Variants in TEAD4 observed in about 807,000 individuals in gnomAD.
TEAD4 encodes the protein transcriptional enhancer factor TEF-3.
A neutral mutation model predicts 52.4 loss-of-function variants in TEAD4; 36 were observed. The ratio of observed to expected loss-of-function variants is 0.69; its 90% CI spans 0.53 to 0.91. The LOEUF is 0.91. TEAD4 is among the 40% of genes least tolerant of loss of function. TEAD4 has a pLI of 0.00. For missense variants in TEAD4, 508 were observed against 583.9 expected, an observed-to-expected ratio of 0.87 and a Z score of 1.34; for synonymous variants, 220 against 231.0, an observed-to-expected ratio of 0.95 and a Z score of 0.43.
chr12:3,010,271 C>T (rs1176878655), intron 3 of TEAD4, among the ~76,000 whole-genome samples: 4 of 152,240 alleles, frequency 2.6e-5, no homozygotes, highest in Admixed American at 2.0e-4. Flanking sequence ...AAATAAGGAA[C>T]CCCTTTCCAT....
At chr12:2,991,196 C>G (rs1300110586) in intron 2 of TEAD4, among the ~76,000 whole-genome samples, 1 of 151,890 alleles carries the variant, frequency 6.6e-6, no homozygotes, top group Non-Finnish European at 1.5e-5. Flanking sequence ...AAGACACTGT[C>G]TCTAAAAAAT....
intron 3 of TEAD4, among the ~76,000 whole-genome samples, chr12:2,998,971 G>A (rs543231163): frequency 5.3e-5 from 8 of 152,136 alleles, no homozygotes; most frequent in Non-Finnish European, 5.9e-5. Flanking sequence ...CGCTCACCCC[G>A]TCTCTTCTTA....
chr12:2,985,360 G>C (rs1591564981), intron 2 of TEAD4, among the ~76,000 whole-genome samples: 1 of 151,620 alleles, frequency 6.6e-6, no homozygotes, highest in African/African-American at 2.4e-5. Flanking sequence ...ACTCCAGCCT[G>C]GGTGACAGAG....
chr12:3,038,030 T>G lies in TEAD4; in HGVS notation c.960T>G (p.Tyr320Ter). Residue 320 changes from tyrosine to a stop codon, truncating the protein, a stop_gained, in exon 11 of 13, where the codon TAT becomes TAG. Transcript: ENST00000359864. LOFTEE classifies it high-confidence loss of function. Reference sequence around the variant, plus strand: ...CCTTCTATGGGGTCTCCAGCCAGTATGAGAGCCCCGAGAACATGATCATCA... The same window carrying G: ...CCTTCTATGGGGTCTCCAGCCAGTAGGAGAGCCCCGAGAACATGATCATCA... 6.2e-7 allele frequency: 1 copy of G among 1,614,164 alleles called. No homozygotes were observed. Among genetic ancestry groups the G allele is most frequent in the Non-Finnish European group, 8.5e-7 (1 of 1,180,012 alleles).
chr12:2,962,544 A>G (rs28583587), intron 2 of TEAD4, among the ~76,000 whole-genome samples: 24,131 of 151,654 alleles, frequency 0.16, 2,150 homozygotes, highest in South Asian at 0.28. Context: ...CATGTTGGTC[A>G]GGCTGGTCTC....
At position 3,019,100 on chromosome 12, in the gene TEAD4, C is replaced by T. The variant is rs199742376; in HGVS notation, c.528-15C>T. On this transcript the variant is annotated splice_polypyrimidine_tract_variant and intron_variant, in intron 7 of 12. Transcript: ENST00000359864. The stretch of plus-strand genomic sequence containing the variant: ...CTGCCCGAGGCTGACACCTCCCCTC[C>T]TCTCTCTCCCGCAGTGTGAAGCCTT... 274 of 1,613,888 alleles carry T rather than the reference C, an allele frequency of 1.7e-4. 1 individual carries two copies. The African/African-American group carries it at 2.9e-3, about 17-fold the overall frequency.
At chr12:2,961,975 C>CT (rs138302960) in intron 2 of TEAD4, among the ~76,000 whole-genome samples, 45 of 152,060 alleles carry the variant, frequency 3.0e-4, no homozygotes, top group African/African-American at 1.0e-3. Context: ...ACAGACAGGG[C>CT]TTTGTCACCA....
In TEAD4 at chr12:2,994,591, C is replaced by T. The variant is rs568635572; in HGVS notation, c.-29-147C>T. ...AGAGGGGATGGGACCTGTTCAAGAC[C>T]CCAGGCCTGATTCTCACAGATCTTT... is the stretch of plus-strand genomic sequence containing the variant. On this transcript the variant is annotated intron_variant, in intron 2 of 12. Transcript: ENST00000359864. This position sits in a 1 kb window ranked among gnomAD's most constrained non-coding sequence, Gnocchi z 4.7. 118 of 1,125,860 alleles carry T rather than the reference C, an allele frequency of 1.0e-4. No individual in the cohort carries two copies. The South Asian group carries it at 1.9e-3, about 18-fold the overall frequency. The allele number at this position is 1,125,860 out of a possible 1,614,324, so 69.7% of individuals were successfully genotyped here.
chr12:3,009,279 A>T (rs920931306), intron 3 of TEAD4, among the ~76,000 whole-genome samples: 3 of 152,012 alleles, frequency 2.0e-5, no homozygotes, highest in Admixed American at 1.3e-4. Context: ...AATACAAAAA[A>T]ATTAGCTGGG....
intron 2 of TEAD4, among the ~76,000 whole-genome samples, chr12:2,963,732 T>C (rs1243132407): frequency 6.6e-6 from 1 of 152,156 alleles, no homozygotes; most frequent in Non-Finnish European, 1.5e-5. Flanking sequence ...CCTTAGCTGG[T>C]GGGGACTGGA....
At chr12:3,038,747 G>A (rs1318812937) in intron 11 of TEAD4, among the ~76,000 whole-genome samples, 1 of 152,216 alleles carries the variant, frequency 6.6e-6, no homozygotes, top group Non-Finnish European at 1.5e-5. Flanking sequence ...TCCGGTGCGT[G>A]TCTGGGGGGT....
intron 10 of TEAD4, among the ~76,000 whole-genome samples, chr12:3,024,155 A>G (rs997586910): frequency 6.6e-6 from 1 of 151,884 alleles, no homozygotes; most frequent in Non-Finnish European, 1.5e-5. Flanking sequence ...GCTCACTGCA[A>G]GCTCCGCCTC....
intron 9 of TEAD4, among the ~76,000 whole-genome samples, 191 bp from the exon 10 acceptor site, chr12:3,021,653 T>G (rs2098268792): frequency 6.6e-6 from 1 of 152,200 alleles, no homozygotes; most frequent in Non-Finnish European, 1.5e-5. Context: ...CAAATAGACC[T>G]TTACTTAGAA....
chr12:3,033,041 C>T (rs1288530598), intron 10 of TEAD4, among the ~76,000 whole-genome samples: 6 of 152,192 alleles, frequency 3.9e-5, no homozygotes, highest in Admixed American at 1.3e-4. Flanking sequence ...GGCAAGGAAA[C>T]GGTGTCGCCT....
intron 6 of TEAD4, 130 bp downstream of exon 6, chr12:3,017,656 G>A (rs1591589780): frequency 7.5e-7 from 1 of 1,324,964 alleles, no homozygotes; most frequent in Non-Finnish European, 1.0e-6. Flanking sequence ...GGGCAGTCAG[G>A]GAAGGAGGGA....
At chr12:3,028,086 G>T (rs1215279673) in intron 10 of TEAD4, among the ~76,000 whole-genome samples, 1 of 152,180 alleles carries the variant, frequency 6.6e-6, no homozygotes, top group African/African-American at 2.4e-5. Context: ...GTTTGTGGAG[G>T]ATGTGGTCTT....
intron 10 of TEAD4, among the ~76,000 whole-genome samples, chr12:3,026,936 C>T (rs185672089): frequency 9.2e-5 from 14 of 152,140 alleles, no homozygotes; most frequent in Non-Finnish European, 1.8e-4. Flanking sequence ...TTTTTCTCCT[C>T]TTTTTCTTAA....
chr12:3,006,949 C>T (rs1258607764), intron 3 of TEAD4, among the ~76,000 whole-genome samples: 2 of 152,238 alleles, frequency 1.3e-5, no homozygotes, highest in Middle Eastern at 3.4e-3. Flanking sequence ...TCACTGGAAC[C>T]CAGGAGGTGG....
chr12:2,966,570 C>T (rs2098220461), intron 2 of TEAD4, among the ~76,000 whole-genome samples: 1 of 151,270 alleles, frequency 6.6e-6, no homozygotes, highest in Non-Finnish European at 1.5e-5. Context: ...GCCACCATGC[C>T]CAGCTAATTT....
Sources: gnomAD v4.1 joint callset for allele counts (sites outside exome capture counted in the v4.1 genomes callset) on GRCh38, gnomAD v4.1.1 for gene constraint, Gnocchi (gnomAD v3.1) non-coding constraint, MANE v1.5 for transcripts, NCBI Gene and HGNC (gene_info 2026-07-23, HGNC 2026-07-21) for gene names.